Variants in ZNF804A observed in about 807,000 individuals in gnomAD.
The protein encoded by ZNF804A is zinc finger protein 804A.
A neutral mutation model predicts 16.5 loss-of-function variants in ZNF804A; 2 were observed. That is an observed-to-expected ratio of 0.12 (90% confidence interval 0.05 to 0.38). The LOEUF is 0.38. ZNF804A is among the 10% of genes least tolerant of loss of function. ZNF804A has a pLI of 0.99. For synonymous variants in ZNF804A, 534 were observed against 489.6 expected (o/e 1.09, Z -1.20); for missense variants, 1,473 against 1,390.7 (o/e 1.06, Z -0.94).
intron 1 of ZNF804A, among the ~76,000 whole-genome samples, chr2:184,782,121 T>G (rs980722475): frequency 6.6e-6 from 1 of 151,804 alleles, no homozygotes; most frequent in Non-Finnish European, 1.5e-5. Context: ...GGGCCTTATC[T>G]TCAAATACAG....
chr2:184,857,737 T>C (rs1695723985), intron 1 of ZNF804A, among the ~76,000 whole-genome samples: 2 of 152,202 alleles, frequency 1.3e-5, no homozygotes, highest in Non-Finnish European at 2.9e-5. Context: ...TAATCTTTTT[T>C]TCAGTTTTTG....
intron 1 of ZNF804A, among the ~76,000 whole-genome samples, chr2:184,813,993 C>CTTTTTTTTTTTTTT (rs1163432699): frequency 4.1e-5 from 2 of 49,186 alleles, no homozygotes; most frequent in African/African-American, 7.7e-5. Flanking sequence ...AGAAAGGCAG[C>CTTTTTTTTTTTTTT]TTTTTTTTTT....
chr2:184,895,392 A>G (rs555852125), intron 2 of ZNF804A, among the ~76,000 whole-genome samples: 4 of 152,240 alleles, frequency 2.6e-5, no homozygotes, highest in Admixed American at 1.3e-4. Flanking sequence ...AGATGGAATT[A>G]TTGTTATGAA....
At position 184,682,480 on chromosome 2, in the gene ZNF804A, C is replaced by CT. The variant is rs558137949; in HGVS notation, c.111+83418dup. 1.5e-3 allele frequency among the ~76,000 whole-genome samples: 234 copies of CT among 151,822 alleles called. 3 individuals are homozygous for CT. The highest frequency in any genetic ancestry group is 1.6e-3 in the Non-Finnish European group (107 of 67,894). Reference sequence around the variant, plus strand: ...TAGCTACATTTGATTTTTTTTGTGACTTTTTTTTGCTTGAGAATTAATTCA... The same window carrying CT: ...TAGCTACATTTGATTTTTTTTGTGACTTTTTTTTTGCTTGAGAATTAATTCA... On this transcript the variant is annotated intron_variant, in intron 1 of 3. Transcript: ENST00000302277.
At chr2:184,935,699 T>C in intron 3 of ZNF804A, 84 bp from the exon 4 acceptor site, 3 of 1,429,074 alleles carry the variant, frequency 2.1e-6, no homozygotes, top group Admixed American at 4.8e-5. Context: ...AATATTATAA[T>C]GACTTTTTAA....
intron 1 of ZNF804A, among the ~76,000 whole-genome samples, chr2:184,770,372 A>G (rs1474310962): frequency 1.3e-5 from 2 of 152,074 alleles, no homozygotes. Flanking sequence ...AATGTGTTAT[A>G]ACGTTTTCAT....
intron 1 of ZNF804A, among the ~76,000 whole-genome samples, chr2:184,750,492 T>G (rs1212618358): frequency 6.6e-6 from 1 of 151,340 alleles, no homozygotes; most frequent in Admixed American, 6.6e-5. Context: ...GTTGCACTAA[T>G]CGTTTTTTAA....
chr2:184,789,771 A>G (rs1694505268), intron 1 of ZNF804A, among the ~76,000 whole-genome samples: 1 of 152,034 alleles, frequency 6.6e-6, no homozygotes, highest in Non-Finnish European at 1.5e-5. Context: ...TCCTTTCAAG[A>G]AACCAACTTT....
intron 1 of ZNF804A, among the ~76,000 whole-genome samples, chr2:184,795,031 C>T (rs751394636): frequency 6.6e-6 from 1 of 151,920 alleles, no homozygotes; most frequent in Non-Finnish European, 1.5e-5. Context: ...GAAAGTCAAC[C>T]AAGAGACAAT....
At position 184,757,671 on chromosome 2, in the gene ZNF804A, A is replaced by G. The variant is rs559220266; in HGVS notation, c.112-108698A>G. Among the ~76,000 whole-genome samples, 5 of 152,098 alleles carry G rather than the reference A, an allele frequency of 3.3e-5. 1 individual carries two copies. Among genetic ancestry groups the G allele is most frequent in the African/African-American group, 1.2e-4 (5 of 41,548 alleles). ...TTATAGTTTGAAGAGTAGAACATTC[A>G]CCTTAAAAAACACTGGCTAGTTCTG... On this transcript the variant is annotated intron_variant, in intron 1 of 3. Transcript: ENST00000302277.
chr2:184,866,693 A>T (rs78743672), intron 2 of ZNF804A, among the ~76,000 whole-genome samples, 181 bp downstream of exon 2: 38,296 of 145,454 alleles, frequency 0.26, 5,669 homozygotes, highest in African/African-American at 0.42. Flanking sequence ...TTTTTTTTTT[A>T]AAAAAAAAGG....
At chr2:184,919,303 A>G (rs1237262306) in intron 2 of ZNF804A, among the ~76,000 whole-genome samples, 2 of 152,168 alleles carry the variant, frequency 1.3e-5, no homozygotes, top group African/African-American at 2.4e-5. Flanking sequence ...CATTCCAGGG[A>G]ATAGTGCTGT....
intron 2 of ZNF804A, among the ~76,000 whole-genome samples, chr2:184,912,090 T>C (rs529015813): frequency 6.6e-6 from 1 of 151,974 alleles, no homozygotes; most frequent in Non-Finnish European, 1.5e-5. Flanking sequence ...CACCATCCTT[T>C]TCTAGTTCCA....
intron 1 of ZNF804A, among the ~76,000 whole-genome samples, chr2:184,651,549 A>G (rs776738315): frequency 6.6e-6 from 1 of 152,156 alleles, no homozygotes; most frequent in Middle Eastern, 3.2e-3. Context: ...CATCTGACAA[A>G]CATATCTATA....
At position 184,749,166 on chromosome 2, in the gene ZNF804A, G is replaced by A. The variant is rs1345909724; in HGVS notation, c.112-117203G>A. On this transcript the variant is annotated intron_variant, in intron 1 of 3. Transcript: ENST00000302277. ...TATAAGAATCTGTAAATTGCTATGA[G>A]AAGTATGACCATTTTAATGATATTG... is the stretch of plus-strand genomic sequence containing the variant. Among the ~76,000 whole-genome samples the A allele has an allele frequency of 2.0e-5, 3 of 151,284 alleles. No individual in the cohort carries two copies. In the Admixed American group the frequency reaches 2.0e-4, roughly 10 times the overall value.
At chr2:184,866,339 T>A (rs1437075298) in intron 1 of ZNF804A, 30 bp from the exon 2 acceptor site, 2 of 1,610,210 alleles carry the variant, frequency 1.2e-6, no homozygotes, top group Admixed American at 3.3e-5. Flanking sequence ...GAGAGCTAAT[T>A]GTATCCTTCC....
chr2:184,694,112 T>G (rs906871939), intron 1 of ZNF804A, among the ~76,000 whole-genome samples: 3 of 151,494 alleles, frequency 2.0e-5, no homozygotes, highest in African/African-American at 7.3e-5. Context: ...TTTTACTTTT[T>G]TTTTTTTTGT....
intron 1 of ZNF804A, among the ~76,000 whole-genome samples, chr2:184,664,532 T>A (rs1410662914): frequency 1.3e-5 from 2 of 152,220 alleles, no homozygotes; most frequent in Non-Finnish European, 1.5e-5. Context: ...ATTTCTTTAC[T>A]CAAATTTTTC....
At chr2:184,866,573 G>A in intron 2 of ZNF804A, 61 bp downstream of exon 2, 1 of 1,413,556 alleles carries the variant, frequency 7.1e-7, no homozygotes, top group Non-Finnish European at 9.6e-7. Flanking sequence ...TTTTAATTGT[G>A]TAGACTCTAT....
Sources: gnomAD v4.1 joint callset for allele counts (sites outside exome capture counted in the v4.1 genomes callset) on GRCh38, gnomAD v4.1.1 for gene constraint, MANE v1.5 for transcripts, NCBI Gene and HGNC (gene_info 2026-07-23, HGNC 2026-07-21) for gene names.